Variants in NBEAL1 observed in about 807,000 individuals in gnomAD.
NBEAL1 encodes the protein neurobeachin like 1.
A neutral mutation model predicts 351.3 loss-of-function variants in NBEAL1; 273 were observed. The observed-to-expected ratio is 0.78, with a 90% CI of 0.70 to 0.86. NBEAL1 has a LOEUF of 0.86. Ranked by LOEUF, NBEAL1 falls within the 40% of genes least tolerant of loss-of-function variation. The probability of loss-of-function intolerance (pLI) is 0.00; values close to 1 mark genes in which losing one functional copy is unlikely to be tolerated. For missense variants in NBEAL1, 2,961 were observed against 3,201.3 expected, an observed-to-expected ratio of 0.92 and a Z score of 1.81; for synonymous variants, 1,050 against 1,086.4, an observed-to-expected ratio of 0.97 and a Z score of 0.66.
chr2:203,099,368 T>C (rs535218502), intron 11 of NBEAL1, among the ~76,000 whole-genome samples: 1 of 152,034 alleles, frequency 6.6e-6, no homozygotes, highest in African/African-American at 2.4e-5. Context: ...AAAAAGCATG[T>C]GTTAAGCTTG....
chr2:203,125,616 T>A, intron 20 of NBEAL1, 96 bp downstream of exon 20: 1 of 1,108,246 alleles, frequency 9.0e-7, no homozygotes, highest in Non-Finnish European at 1.2e-6. Context: ...GGAAGAAACT[T>A]AACCATTTGT....
In NBEAL1 at chr2:203,053,847, G is replaced by A. The variant is rs551130153; in HGVS notation, c.306-2580G>A. Among the ~76,000 whole-genome samples, 11 of 152,184 alleles carry A rather than the reference G, an allele frequency of 7.2e-5. 1 individual carries two copies. In the South Asian group the frequency reaches 2.3e-3, roughly 31 times the overall value. On this transcript the variant is annotated intron_variant, in intron 4 of 55. Coordinates refer to ENST00000683969, the MANE Select transcript of NBEAL1 (RefSeq NM_001378026.1). The stretch of plus-strand genomic sequence containing the variant: ...TCTGGTCTGCAAATATTTTTTGATA[G>A]TCTGCGACTTGCCTTTTTATTCTTT...
At chr2:203,100,123 A>G (rs564765996) in intron 12 of NBEAL1, among the ~76,000 whole-genome samples, 2 of 152,240 alleles carry the variant, frequency 1.3e-5, no homozygotes, top group South Asian at 2.1e-4. Flanking sequence ...CATGGTGTAT[A>G]TATACTACAT....
intron 47 of NBEAL1, among the ~76,000 whole-genome samples, chr2:203,196,427 T>C (rs1279846521): frequency 6.6e-6 from 1 of 152,240 alleles, no homozygotes; most frequent in Non-Finnish European, 1.5e-5. Context: ...CTTTTGTAGG[T>C]CATCTCTTCA....
chr2:203,156,040 C>T (rs2063789616), intron 35 of NBEAL1, among the ~76,000 whole-genome samples: 1 of 152,194 alleles, frequency 6.6e-6, no homozygotes, highest in Non-Finnish European at 1.5e-5. Context: ...CTCCGTATGA[C>T]ATTTCTGAAA....
At chr2:203,138,063 G>A in intron 29 of NBEAL1, 99 bp from the exon 30 acceptor site, 1 of 1,046,986 alleles carries the variant, frequency 9.6e-7, no homozygotes, top group Non-Finnish European at 1.4e-6. Context: ...TATCTTTAGA[G>A]ATACAGTGCT....
intron 36 of NBEAL1, among the ~76,000 whole-genome samples, chr2:203,161,425 T>C (rs1376687063): frequency 1.3e-5 from 2 of 150,280 alleles, no homozygotes; most frequent in East Asian, 2.0e-4. Flanking sequence ...GGTTAGGAGA[T>C]TGAGATCATC....
intron 10 of NBEAL1, among the ~76,000 whole-genome samples, chr2:203,096,037 A>G (rs1293136176): frequency 2.0e-5 from 3 of 152,260 alleles, no homozygotes; most frequent in Non-Finnish European, 4.4e-5. Flanking sequence ...GATTACAGGC[A>G]TGAGCCACCA....
intron 6 of NBEAL1, among the ~76,000 whole-genome samples, chr2:203,065,963 C>T (rs1368358920): frequency 6.6e-6 from 1 of 152,168 alleles, no homozygotes; most frequent in East Asian, 1.9e-4. Flanking sequence ...TCATTTTTAG[C>T]TCTACTAAGT....
intron 25 of NBEAL1, among the ~76,000 whole-genome samples, chr2:203,131,092 C>T (rs1476086636): frequency 6.6e-6 from 1 of 152,174 alleles, no homozygotes; most frequent in Non-Finnish European, 1.5e-5. Context: ...CCACCTAAGC[C>T]TTTCTCATTA....
At position 203,167,218 on chromosome 2, in the gene NBEAL1, C is replaced by T. The variant is rs775868770; in HGVS notation, c.5864-9C>T. On this transcript the variant is annotated splice_polypyrimidine_tract_variant and intron_variant, in intron 37 of 55. Transcript: ENST00000683969. ...GGTATCTCAGTCACAAGATTTCTTC[C>T]GTTTTCAGGAGTAGGCTTTGATTTC... is the stretch of plus-strand genomic sequence containing the variant. The T allele has an allele frequency of 7.5e-6, 12 of 1,596,870 alleles. No individual in the cohort carries two copies. The highest frequency in any genetic ancestry group is 4.1e-5 in the African/African-American group (3 of 73,768).
intron 7 of NBEAL1, among the ~76,000 whole-genome samples, chr2:203,076,883 C>T (rs971750434): frequency 1.3e-5 from 2 of 151,816 alleles, no homozygotes; most frequent in Admixed American, 6.6e-5. Context: ...TGAGCCACTG[C>T]GCCCAGCCTA....
At chr2:203,089,316 C>T (rs1234151078) in intron 10 of NBEAL1, among the ~76,000 whole-genome samples, 1 of 151,308 alleles carries the variant, frequency 6.6e-6, no homozygotes, top group African/African-American at 2.4e-5. Flanking sequence ...CCGAGATCAC[C>T]CCACTGCACT....
At chr2:203,051,309 C>T (rs1036153999) in intron 4 of NBEAL1, among the ~76,000 whole-genome samples, 3 of 151,898 alleles carry the variant, frequency 2.0e-5, no homozygotes, top group African/African-American at 7.3e-5. Context: ...TTTGGAAGGC[C>T]GAGGAGGTGG....
chr2:203,136,786 G>C lies in NBEAL1; in HGVS notation c.4565+12G>C. ...GAAATAAAACTAACGTAAGCATTTA[G>C]TTAGTGATTTTCCATCCTCCTTTTG... On this transcript the variant is annotated intron_variant, in intron 29 of 55. Transcript: ENST00000683969. 1 of 1,607,878 alleles carries C rather than the reference G, an allele frequency of 6.2e-7. No homozygotes were observed. The highest frequency in any genetic ancestry group is 8.5e-7 in the Non-Finnish European group (1 of 1,176,510).
chr2:203,053,918 G>A (rs1214106543), intron 4 of NBEAL1, among the ~76,000 whole-genome samples: 1 of 152,018 alleles, frequency 6.6e-6, no homozygotes, highest in African/African-American at 2.4e-5. Flanking sequence ...AATGAAGTTT[G>A]ACTTAACTTT....
At chr2:203,015,167 C>T (rs2060656298) in intron 1 of NBEAL1, among the ~76,000 whole-genome samples, 185 bp downstream of exon 1, 1 of 152,132 alleles carries the variant, frequency 6.6e-6, no homozygotes, top group Non-Finnish European at 1.5e-5. Context: ...ACGCCGAGTC[C>T]GCATTCCTCA....
intron 27 of NBEAL1, among the ~76,000 whole-genome samples, chr2:203,133,348 C>T (rs944181613): frequency 2.0e-5 from 3 of 151,910 alleles, no homozygotes; most frequent in South Asian, 4.2e-4. Context: ...CTTAGTTCTT[C>T]GTGGTCTCCT....
chr2:203,060,537 C>T (rs897558358), intron 6 of NBEAL1, among the ~76,000 whole-genome samples: 4 of 151,900 alleles, frequency 2.6e-5, no homozygotes, highest in African/African-American at 9.7e-5. Context: ...TTTAATTCAC[C>T]CAGAGATCCA....
Sources: gnomAD v4.1 joint callset for allele counts (sites outside exome capture counted in the v4.1 genomes callset) on GRCh38, gnomAD v4.1.1 for gene constraint, MANE v1.5 for transcripts, NCBI Gene and HGNC (gene_info 2026-07-23, HGNC 2026-07-21) for gene names.